Variants in RHBDL3 observed in about 807,000 individuals in gnomAD.
RHBDL3 encodes the protein rhomboid-related protein 3.
RHBDL3 carries 28 observed loss-of-function variants against 48.2 expected under a neutral mutation model. The observed-to-expected ratio is 0.58, with a 90% confidence interval of 0.43 to 0.80. RHBDL3 has a LOEUF of 0.80. Among genes scored for constraint, RHBDL3 ranks in the 30% least tolerant of loss-of-function variants. The pLI is 0.00. For missense variants in RHBDL3, 464 were observed against 542.7 expected (o/e 0.85, Z 1.44); for synonymous variants, 208 against 232.3 (o/e 0.90, Z 0.95).
chr17:32,313,979 G>A (rs541553423), intron 7 of RHBDL3, among the ~76,000 whole-genome samples: 8 of 152,124 alleles, frequency 5.3e-5, no homozygotes, highest in Non-Finnish European at 8.8e-5. Flanking sequence ...GGATGGTCTC[G>A]ATCTCCTTTG....
chr17:32,278,501 A>G (rs1255004078), intron 2 of RHBDL3, among the ~76,000 whole-genome samples: 1 of 152,204 alleles, frequency 6.6e-6, no homozygotes. Flanking sequence ...AACGAGTGGG[A>G]TGCCTGGGCC....
intron 8 of RHBDL3, among the ~76,000 whole-genome samples, 161 bp from the exon 9 acceptor site, chr17:32,320,797 G>C (rs2041109134): frequency 6.6e-6 from 1 of 152,224 alleles, no homozygotes; most frequent in African/African-American, 2.4e-5. Flanking sequence ...TAAGCTCTGG[G>C]AGAACAGAGA....
At chr17:32,298,861 C>T (rs990096258) in intron 6 of RHBDL3, among the ~76,000 whole-genome samples, 3 of 152,222 alleles carry the variant, frequency 2.0e-5, no homozygotes, top group African/African-American at 7.2e-5. Context: ...GGCCAGTGAT[C>T]ATCCTTCATG....
chr17:32,266,746 C>T (rs1314202313), intron 1 of RHBDL3, among the ~76,000 whole-genome samples: 1 of 152,162 alleles, frequency 6.6e-6, no homozygotes, highest in African/African-American at 2.4e-5. Context: ...ACCCCTTCCT[C>T]CGCTCCCGGA....
chr17:32,319,119 T>C (rs893609767), intron 8 of RHBDL3, among the ~76,000 whole-genome samples: 4 of 150,376 alleles, frequency 2.7e-5, no homozygotes, highest in African/African-American at 9.8e-5. Context: ...CGAGTCTTGT[T>C]GTTTAAAAAA....
At chr17:32,305,123 G>A (rs1032129958) in intron 6 of RHBDL3, among the ~76,000 whole-genome samples, 3 of 107,124 alleles carry the variant, frequency 2.8e-5, no homozygotes, top group Non-Finnish European at 5.3e-5. Context: ...GTCTCAAAAA[G>A]AAAGAAAGAA....
intron 2 of RHBDL3, among the ~76,000 whole-genome samples, chr17:32,279,877 C>T (rs1043005473): frequency 2.6e-5 from 4 of 152,096 alleles, no homozygotes; most frequent in African/African-American, 9.7e-5. Flanking sequence ...GGGAAGGAGC[C>T]CCAGATGGCA....
intron 7 of RHBDL3, among the ~76,000 whole-genome samples, chr17:32,309,209 TGTGTGTGA>T (rs917139273): frequency 2.6e-5 from 3 of 114,414 alleles, no homozygotes; most frequent in African/African-American, 1.1e-4. Context: ...TGTGTGTGTG[TGTGTGTGA>T]GATACACAGT....
intron 6 of RHBDL3, among the ~76,000 whole-genome samples, chr17:32,303,739 G>A (rs529911347): frequency 6.6e-6 from 1 of 152,218 alleles, no homozygotes; most frequent in South Asian, 2.1e-4. Flanking sequence ...CAGTGAGTAG[G>A]GGAGGCCTTG....
chr17:32,284,546 G>A, intron 2 of RHBDL3, 113 bp from the exon 3 acceptor site: 3 of 1,005,634 alleles, frequency 3.0e-6, no homozygotes, highest in African/African-American at 1.6e-5. Flanking sequence ...CTGAGCCTCT[G>A]CCAGGGGCTG....
chr17:32,299,436 A>C (rs184731150), intron 6 of RHBDL3, among the ~76,000 whole-genome samples: 2 of 152,264 alleles, frequency 1.3e-5, no homozygotes, highest in East Asian at 3.9e-4. Flanking sequence ...CACGTCCTTG[A>C]ATAAAGGGCT....
intron 8 of RHBDL3, 119 bp from the exon 9 acceptor site, chr17:32,320,839 G>A: frequency 1.4e-6 from 1 of 706,172 alleles, no homozygotes; most frequent in South Asian, 1.7e-5. Context: ...TGTGTCCCCA[G>A]TGCAGAGAAT....
chr17:32,293,463 TC>T (rs1400147520), intron 4 of RHBDL3, among the ~76,000 whole-genome samples: 1 of 151,618 alleles, frequency 6.6e-6, no homozygotes, highest in Non-Finnish European at 1.5e-5. Context: ...ACTCCTGTAA[TC>T]CCAGATACTT....
chr17:32,279,602 C>T (rs2039994592), intron 2 of RHBDL3, among the ~76,000 whole-genome samples: 1 of 152,176 alleles, frequency 6.6e-6, no homozygotes, highest in South Asian at 2.1e-4. Context: ...GTCCTGTAGC[C>T]CCTTGACTGT....
chr17:32,283,784 C>T (rs2040127363), intron 2 of RHBDL3, among the ~76,000 whole-genome samples: 1 of 152,146 alleles, frequency 6.6e-6, no homozygotes, highest in Admixed American at 6.5e-5. Flanking sequence ...TGATACCGAC[C>T]CGCGAGGCGC....
At chr17:32,301,448 A>G (rs987498816) in intron 6 of RHBDL3, among the ~76,000 whole-genome samples, 3 of 151,626 alleles carry the variant, frequency 2.0e-5, no homozygotes, top group Non-Finnish European at 2.9e-5. Flanking sequence ...ATTATAGATT[A>G]TATAGATTAC....
chr17:32,280,699 G>A (rs940660344), intron 2 of RHBDL3: 4 of 152,126 alleles, frequency 2.6e-5, no homozygotes, highest in African/African-American at 4.8e-5. Context: ...CCTGGTTAGT[G>A]GTGGAGACAA....
At chr17:32,314,928 G>A (rs2040935789) in intron 7 of RHBDL3, among the ~76,000 whole-genome samples, 1 of 152,220 alleles carries the variant, frequency 6.6e-6, no homozygotes, top group South Asian at 2.1e-4. Context: ...AGCGAAGACA[G>A]GCTTTCCACC....
At chr17:32,297,467 A>G (rs1284567713) in intron 5 of RHBDL3, among the ~76,000 whole-genome samples, 2 of 151,972 alleles carry the variant, frequency 1.3e-5, no homozygotes, top group African/African-American at 2.4e-5. Flanking sequence ...ATCTCAAAAA[A>G]CAAAACAAAA....
Sources: allele counts gnomAD v4.1 joint callset (sites outside exome capture counted in the v4.1 genomes callset), GRCh38; gene constraint gnomAD v4.1.1; transcripts MANE v1.5; gene names NCBI Gene and HGNC (gene_info 2026-07-23, HGNC 2026-07-21).